Variants in PLAC1 observed in about 807,000 individuals in gnomAD.
The protein encoded by PLAC1 is placenta-specific protein 1.
For synonymous variants in PLAC1, 68 were observed against 62.1 expected, an observed-to-expected ratio of 1.09 and a Z score of -0.44; for missense variants, 136 against 163.2, an observed-to-expected ratio of 0.83 and a Z score of 0.91.
chrX:134,617,360 T>C (rs2078188996), intron 1 of PLAC1, among the ~76,000 whole-genome samples: 4 of 111,789 alleles, frequency 3.6e-5, no homozygotes, highest in Non-Finnish European at 7.5e-5. Context: ...CTTCCAATAC[T>C]ATGTTGAATA....
chrX:134,667,717 T>C (rs1007650507), intron 2 of PLAC1, among the ~76,000 whole-genome samples: 5 of 110,651 alleles, frequency 4.5e-5, no homozygotes, highest in Non-Finnish European at 9.4e-5. Context: ...AGGCAGGAGT[T>C]TGAGATCCGC....
At chrX:134,644,101 A>T (rs1470397215) in intron 1 of PLAC1, among the ~76,000 whole-genome samples, 2 of 111,252 alleles carry the variant, frequency 1.8e-5, no homozygotes, top group African/African-American at 6.5e-5. Flanking sequence ...TAAAGTCAAG[A>T]ACAAGATAGA....
At chrX:134,621,444 C>CAAAAA (rs11317429) in intron 1 of PLAC1, among the ~76,000 whole-genome samples, 404 of 33,852 alleles carry the variant, frequency 0.012, no homozygotes, top group Non-Finnish European at 0.015. Context: ...GGCTCTGTCT[C>CAAAAA]AAAAAAAAAA....
intron 2 of PLAC1, among the ~76,000 whole-genome samples, chrX:134,667,918 C>T (rs2078442723): frequency 9.4e-6 from 1 of 106,828 alleles, no homozygotes; most frequent in Admixed American, 1.0e-4. Context: ...AGAACAAGAC[C>T]TTGTCTCAAA....
intron 1 of PLAC1, chrX:134,605,577 G>A (rs1438609802): frequency 1.8e-5 from 2 of 112,690 alleles, no homozygotes; most frequent in Non-Finnish European, 3.8e-5. Context: ...ATCCATTTGT[G>A]TAGCTAAAAA....
chrX:134,660,071 G>A (rs1192864715), upstream of PLAC1, among the ~76,000 whole-genome samples: 2 of 107,916 alleles, frequency 1.9e-5, no homozygotes, highest in Admixed American at 1.0e-4. Context: ...AATCTAAAAG[G>A]GATTTTAAAA....
chrX:134,673,999 A>G (rs751093470), intron 2 of PLAC1, among the ~76,000 whole-genome samples: 1 of 112,952 alleles, frequency 8.9e-6, no homozygotes, highest in South Asian at 3.7e-4. Context: ...TCTAAAGCCT[A>G]CCACCCTTTG....
intron 2 of PLAC1, among the ~76,000 whole-genome samples, chrX:134,673,551 A>C (rs147920950): frequency 0.013 from 1,445 of 110,000 alleles, 34 homozygotes; most frequent in African/African-American, 0.046. Flanking sequence ...GAGGTTTAGT[A>C]GACCAAATGA....
intron 2 of PLAC1, among the ~76,000 whole-genome samples, chrX:134,688,696 A>T (rs961166420): frequency 1.8e-5 from 2 of 112,222 alleles, no homozygotes; most frequent in African/African-American, 6.5e-5. Context: ...AAAGTCTTAC[A>T]CCACAATTTC....
At chrX:134,750,184 C>A (rs1379013170) in intron 1 of PLAC1, among the ~76,000 whole-genome samples, 1 of 111,636 alleles carries the variant, frequency 9.0e-6, no homozygotes, top group Admixed American at 9.5e-5. Flanking sequence ...TTTCCAGATC[C>A]TTTTAGTTTG....
intron 1 of PLAC1, among the ~76,000 whole-genome samples, chrX:134,612,923 C>G (rs1478250690): frequency 9.1e-6 from 1 of 110,452 alleles, no homozygotes; most frequent in Non-Finnish European, 1.9e-5. Flanking sequence ...GGGGATTGGG[C>G]CAGGCATGGG....
chrX:134,756,805 C>G (rs184655063), intron 1 of PLAC1, among the ~76,000 whole-genome samples: 1,376 of 107,924 alleles, frequency 0.013, 18 homozygotes, highest in Middle Eastern at 0.033. Context: ...GCCGAGATTA[C>G]GCCACTGCAC....
At chrX:134,583,635 T>C (rs1048813108) in intron 2 of PLAC1, among the ~76,000 whole-genome samples, 1 of 110,328 alleles carries the variant, frequency 9.1e-6, no homozygotes, top group East Asian at 2.8e-4. Context: ...AAACTGCACG[T>C]ACAGGGCCTG....
chrX:134,688,370 T>C (rs750518918), intron 2 of PLAC1, among the ~76,000 whole-genome samples: 1 of 112,497 alleles, frequency 8.9e-6, no homozygotes, highest in African/African-American at 3.2e-5. Flanking sequence ...TTACATGATG[T>C]CCTGATATGA....
intron 1 of PLAC1, among the ~76,000 whole-genome samples, chrX:134,752,582 A>G (rs757590402): frequency 7.2e-5 from 8 of 111,619 alleles, no homozygotes; most frequent in Non-Finnish European, 1.3e-4. Context: ...TAAGAAAGCT[A>G]AGAAAGTGGG....
intron 1 of PLAC1, among the ~76,000 whole-genome samples, chrX:134,624,982 T>C (rs755423845): frequency 9.0e-6 from 1 of 111,698 alleles, no homozygotes; most frequent in Non-Finnish European, 1.9e-5. Context: ...TCATGTCTCC[T>C]AGGTGCAACT....
intron 2 of PLAC1, among the ~76,000 whole-genome samples, chrX:134,710,759 GT>G (rs1161330335): frequency 4.5e-5 from 5 of 111,033 alleles, no homozygotes; most frequent in African/African-American, 1.6e-4. Flanking sequence ...ATAAAAATGA[GT>G]TGACTGGAGG....
chrX:134,569,781 TGTGTGTTTG>T (rs1417302246), intron 2 of PLAC1, among the ~76,000 whole-genome samples: 6 of 102,122 alleles, frequency 5.9e-5, no homozygotes, highest in African/African-American at 2.4e-4. Flanking sequence ...TGTGTGTGTG[TGTGTGTTTG>T]TGTGTGTGTG....
At chrX:134,629,438 C>T (rs1431526394) in intron 1 of PLAC1, among the ~76,000 whole-genome samples, 1 of 111,177 alleles carries the variant, frequency 9.0e-6, no homozygotes, top group East Asian at 2.8e-4. Flanking sequence ...TGAATTCAGG[C>T]GGTCCCATTA....
Sources: allele counts gnomAD v4.1 joint callset (sites outside exome capture counted in the v4.1 genomes callset), GRCh38; gene constraint gnomAD v4.1.1; transcripts MANE v1.5; gene names NCBI Gene and HGNC (gene_info 2026-07-23, HGNC 2026-07-21).